ABCC3: variants seen among roughly 807,000 people sequenced by gnomAD.
ABCC3 encodes the protein ATP binding cassette subfamily C member 3.
Under a neutral mutation model 165.3 loss-of-function variants are expected in ABCC3, and 121 were observed. That is an observed-to-expected ratio of 0.73 (90% CI 0.63 to 0.85). The LOEUF (loss-of-function observed/expected upper bound fraction) is 0.85, where lower values mean the gene tolerates loss of function less well. Among genes scored for constraint, ABCC3 ranks in the 40% least tolerant of loss-of-function variants. ABCC3 has a pLI of 0.00. For missense variants in ABCC3, 1,869 were observed against 1,964.1 expected, an observed-to-expected ratio of 0.95 and a Z score of 0.92; for synonymous variants, 733 against 810.1, an observed-to-expected ratio of 0.90 and a Z score of 1.62.
chr17:50,647,653 G>A (rs1474643346), intron 1 of ABCC3, among the ~76,000 whole-genome samples: 1 of 152,198 alleles, frequency 6.6e-6, no homozygotes, highest in Non-Finnish European at 1.5e-5. Flanking sequence ...CAAGAAACCA[G>A]GAGACCAGGA....
intron 26 of ABCC3, among the ~76,000 whole-genome samples, chr17:50,680,141 T>C (rs1967902892): frequency 6.6e-6 from 1 of 152,168 alleles, no homozygotes; most frequent in South Asian, 2.1e-4. Context: ...TAAGACCTAT[T>C]GCAGGGCTTT....
intron 26 of ABCC3, among the ~76,000 whole-genome samples, chr17:50,681,859 C>T (rs1967935020): frequency 6.6e-6 from 1 of 152,112 alleles, no homozygotes; most frequent in Non-Finnish European, 1.5e-5. Context: ...CCCGCCAGTC[C>T]ACCTGCCTGA....
intron 1 of ABCC3, among the ~76,000 whole-genome samples, chr17:50,649,185 TTTAGCA>T (rs1444031199): frequency 1.3e-5 from 2 of 151,350 alleles, no homozygotes; most frequent in Non-Finnish European, 1.5e-5. Context: ...ACAAATTAAA[TTTAGCA>T]GAGTTTATCT....
intron 19 of ABCC3, among the ~76,000 whole-genome samples, chr17:50,674,030 C>CTTTCTTTCTTTCTTTCTTTCTT (rs1567835727): frequency 2.1e-4 from 1 of 4,694 alleles, no homozygotes; most frequent in Non-Finnish European, 3.9e-4. Flanking sequence ...CTCTCTCTCT[C>CTTTCTTTCTTTCTTTCTTTCTT]TCTCTCTTTC....
intron 19 of ABCC3, among the ~76,000 whole-genome samples, chr17:50,673,981 T>TTTCTTTCCTTCCTTCCTTC (rs1567835559): frequency 3.0e-4 from 1 of 3,320 alleles, no homozygotes; most frequent in Non-Finnish European, 5.9e-4. Flanking sequence ...TCTTTCTTTC[T>TTTCTTTCCTTCCTTCCTTC]CTCTCTCTCT....
Position 50,683,611 on chromosome 17 carries a change from C to A in ABCC3, c.3809C>A (p.Ala1270Glu), listed in dbSNP as rs145122306. Residue 1270 changes from alanine (A) to glutamate (E), a missense_variant and splice_region_variant, in exon 27 of 31, where the codon GCG becomes GAG. Transcript: ENST00000285238. The stretch of plus-strand genomic sequence containing the variant: ...GACCCCATCTGCCCCTCCTGCCAGG[C>A]GCCCTGGGTGGTGGAAGGCAGCCGC... ...VKEYSKTETE[A>E]PWVVEGSRPP... The A allele has an allele frequency of 3.5e-4, 538 of 1,556,020 alleles. 1 individual carries two copies. The highest frequency in any genetic ancestry group is 4.5e-4 in the Non-Finnish European group (521 of 1,152,398).
In ABCC3 at chr17:50,656,336, A is replaced by G. The variant is rs766393920; in HGVS notation, c.222+328A>G. ...CTGACCTCAGGTGATCAGCCTCCCA[A>G]AGTGCTGGGATTAGAGGCATGAGCC... On this transcript the variant is annotated intron_variant, in intron 2 of 30. Transcript: ENST00000285238. 3.9e-5 allele frequency among the ~76,000 whole-genome samples: 6 copies of G among 152,180 alleles called. No homozygotes were observed. In the South Asian group the frequency reaches 1.0e-3, roughly 26 times the overall value.
Position 50,657,107 on chromosome 17 carries a change from T to C in ABCC3, c.410T>C (p.Leu137Pro), listed in dbSNP as rs1479030549. Residue 137 changes from leucine (L) to proline (P), a missense_variant, in exon 4 of 31, where the codon CTC (leucine) becomes CCC (proline). Physicochemically the swap from Leu to Pro is moderately conservative, Grantham distance 98. Transcript: ENST00000285238. The part of the protein sequence containing the change: ...RLQGVQSSGV[L>P]IIFWFLCVVC... Reference sequence around the variant, plus strand: ...CAGGGCGTACAGTCTTCGGGGGTCCTCATTATCTTCTGGTTCCTGTGTGTG... The same window carrying C: ...CAGGGCGTACAGTCTTCGGGGGTCCCCATTATCTTCTGGTTCCTGTGTGTG... 5 of 1,614,158 alleles carry C rather than the reference T, an allele frequency of 3.1e-6. No individual in the cohort carries two copies. The highest frequency in any genetic ancestry group is 4.2e-6 in the Non-Finnish European group (5 of 1,180,024).
chr17:50,638,523 T>G (rs1244021252), intron 1 of ABCC3, among the ~76,000 whole-genome samples: 3 of 152,142 alleles, frequency 2.0e-5, no homozygotes, highest in African/African-American at 7.2e-5. Context: ...TGAGATTCTG[T>G]GACTGGGTAG....
intron 1 of ABCC3, chr17:50,643,762 C>A: frequency 5.2e-6 from 2 of 382,090 alleles, no homozygotes; most frequent in Non-Finnish European, 1.1e-5. Flanking sequence ...GGGGTAGGAG[C>A]AAGAATCTCA....
At chr17:50,639,905 A>C (rs1017598941) in intron 1 of ABCC3, among the ~76,000 whole-genome samples, 7 of 152,056 alleles carry the variant, frequency 4.6e-5, no homozygotes, top group African/African-American at 1.7e-4. Flanking sequence ...CTGGGATTAC[A>C]GGTGCACACC....
At position 50,667,699 on chromosome 17, in the gene ABCC3, G is replaced by A. The variant is rs764888307; in HGVS notation, c.1577G>A (p.Arg526His). 11 of 1,613,944 alleles carry A rather than the reference G, an allele frequency of 6.8e-6. No homozygotes were observed. Among genetic ancestry groups the A allele is most frequent in the Admixed American group, 6.7e-5 (4 of 59,984 alleles). ...AGGCAGGGTGAGCTCCAGCTGCTGC[G>A]CACGGCGGCCTACCTCCACACCACA... ...GIRQGELQLL[R>H]TAAYLHTTTT... is the part of the protein sequence containing the mutation. Residue 526 changes from arginine to histidine, a missense_variant, in exon 12 of 31, where the codon CGC becomes CAC. By Grantham distance (29) the Arg-to-His change is conservative (BLOSUM62 0). Coordinates refer to ENST00000285238, the MANE Select transcript of ABCC3 (RefSeq NM_003786.4).
Position 50,654,331 on chromosome 17 carries a change from A to C in ABCC3, c.46-1501A>C, listed in dbSNP as rs187869833. On this transcript the variant is annotated intron_variant, in intron 1 of 30. Transcript: ENST00000285238. The stretch of plus-strand genomic sequence containing the variant: ...AAGAACATAAGAAACAGATTAGTAC[A>C]TTAGTGGCCTTGGAGGAAACAATCT... 1.5e-4 allele frequency among the ~76,000 whole-genome samples: 23 copies of C among 152,344 alleles called. No individual in the cohort carries two copies. In the East Asian group the frequency reaches 3.7e-3, roughly 24 times the overall value.
At chr17:50,658,967 G>T (rs1200551079) in intron 6 of ABCC3, among the ~76,000 whole-genome samples, 2 of 152,222 alleles carry the variant, frequency 1.3e-5, no homozygotes, top group Non-Finnish European at 2.9e-5. Flanking sequence ...AGGCAGCGTG[G>T]ATTCCATCAC....
intron 23 of ABCC3, 138 bp from the exon 24 acceptor site, chr17:50,677,606 G>A (rs903649914): frequency 1.5e-5 from 12 of 822,638 alleles, no homozygotes; most frequent in African/African-American, 3.4e-5. Flanking sequence ...CCTTGGAGGT[G>A]GGGGAAGGCA....
intron 30 of ABCC3, among the ~76,000 whole-genome samples, chr17:50,690,639 C>T (rs995910795): frequency 3.9e-5 from 6 of 151,968 alleles, no homozygotes; most frequent in Non-Finnish European, 8.9e-5. Context: ...CAGCAGCAGC[C>T]GCAGCAGCCG....
chr17:50,668,656 T>C, intron 14 of ABCC3, 139 bp downstream of exon 14: 1 of 785,030 alleles, frequency 1.3e-6, no homozygotes, highest in Non-Finnish European at 2.1e-6. Context: ...ACCTCCTCCC[T>C]CTTCCGGGTT....
At position 50,651,769 on chromosome 17, in the gene ABCC3, A is replaced by C. The variant is rs1219106874; in HGVS notation, c.46-4063A>C. Among the ~76,000 whole-genome samples the C allele has an allele frequency of 7.2e-5, 11 of 152,208 alleles. No homozygotes were observed. In the East Asian group the frequency reaches 2.1e-3, roughly 29 times the overall value. ...CTGGTATAGGAAGGACATCTTTTAC[A>C]TGGGAATTTTATCTTACATTCATTT... On this transcript the variant is annotated intron_variant, in intron 1 of 30. Transcript: ENST00000285238.
chr17:50,668,891 G>A lies in ABCC3; in HGVS notation c.1909G>A (p.Ala637Thr), dbSNP rs761134270. The change falls in exon 15 of 31, where the codon GCC (alanine) becomes ACC (threonine). Residue 637 changes from alanine to threonine, a missense_variant. Physicochemically the swap from Ala to Thr is moderately conservative, Grantham distance 58. Transcript: ENST00000285238. The stretch of plus-strand genomic sequence containing the variant: ...CATACACAGTGGCACCTTCACCTGG[G>A]CCCAGGACCTGCCCCCCACTCTGCA... ...ITIHSGTFTW[A>T]QDLPPTLHSL... The A allele has an allele frequency of 2.0e-5, 32 of 1,613,804 alleles. No homozygotes were observed. The South Asian group carries it at 3.4e-4, about 17-fold the overall frequency.
Sources: allele counts gnomAD v4.1 joint callset (sites outside exome capture counted in the v4.1 genomes callset), GRCh38; gene constraint gnomAD v4.1.1; transcripts MANE v1.5; gene names NCBI Gene and HGNC (gene_info 2026-07-23, HGNC 2026-07-21).